Variants in IRAG1 observed in about 807,000 individuals in gnomAD.
IRAG1 encodes the protein inositol 1,4,5-triphosphate receptor associated 1, also known as IP3R-associated cGMP kinase substrate.
Under a neutral mutation model 106.2 loss-of-function variants are expected in IRAG1, and 62 were observed. That is an observed-to-expected ratio of 0.58 (90% CI 0.48 to 0.72). The LOEUF (loss-of-function observed/expected upper bound fraction) is 0.72. Ranked by LOEUF, IRAG1 falls within the 30% of genes least tolerant of loss-of-function variation. The probability of loss-of-function intolerance (pLI) is 0.00; values close to 1 mark genes in which losing one functional copy is unlikely to be tolerated. For synonymous variants in IRAG1, 462 were observed against 443.9 expected (o/e 1.04, Z -0.51); for missense variants, 1,064 against 1,140.7 (o/e 0.93, Z 0.97).
chr11:10,628,131 GC>G lies in IRAG1; in HGVS notation c.653-107del. On this transcript the variant is annotated intron_variant, in intron 6 of 20. Coordinates refer to ENST00000423302, the MANE Select transcript of IRAG1 (RefSeq NM_130385.4). The surrounding 1 kb of genome is among the most constrained non-coding windows in gnomAD (Gnocchi z 4.1). ...GGCTATCCTCCCTTTGCAATCTCAG[GC>G]CTGGAAGATTTGCTGACTACCTCCC... 5 of 1,283,666 alleles carry G rather than the reference GC, an allele frequency of 3.9e-6. No individual in the cohort carries two copies. The highest frequency in any genetic ancestry group is 5.6e-6 in the Non-Finnish European group (5 of 899,846). The allele number at this position is 1,283,666 out of a possible 1,614,324, so 79.5% of individuals were successfully genotyped here. A position where few individuals can be genotyped will look rare whatever the true frequency, so the allele number is the denominator to read the frequency against.
In IRAG1 at chr11:10,628,041, C is replaced by T. The variant is rs753708183; in HGVS notation, c.653-16G>A. The T allele has an allele frequency of 6.8e-6, 11 of 1,613,584 alleles. No homozygotes were observed. Among genetic ancestry groups the T allele is most frequent in the Non-Finnish European group, 8.5e-6 (10 of 1,179,744 alleles). On this transcript the variant is annotated splice_polypyrimidine_tract_variant and intron_variant, in intron 6 of 20. Coordinates refer to ENST00000423302, the MANE Select transcript of IRAG1 (RefSeq NM_130385.4). The surrounding 1 kb of genome is among the most constrained non-coding windows in gnomAD (Gnocchi z 4.1). ...ACATCCAAACCTGGAAGGGTCCAGACACTAGTGAGTGAGGCCCAGCAGCCC... is the reference window on the plus strand; with the variant it reads ...ACATCCAAACCTGGAAGGGTCCAGATACTAGTGAGTGAGGCCCAGCAGCCC...
intron 15 of IRAG1, among the ~76,000 whole-genome samples, chr11:10,597,606 C>T (rs377675874): frequency 1.3e-5 from 2 of 152,202 alleles, no homozygotes; most frequent in Admixed American, 6.5e-5. Flanking sequence ...ATCCTTTCAC[C>T]TTGGCCTCCC....
rs1478400860 is a variant in IRAG1, at chr11:10,632,014, G to C, written c.377C>G (p.Ser126Cys). ...KRLSHRHLKV[S>C]TASLTSVDPA... ...ACCCACAGATGTCAGGGAGGCAGTG[G>C]ACACCTTCAAGTGTCGGTGAGAAAG... The change falls in exon 4 of 21, where the codon TCC becomes TGC. Residue 126 changes from serine (S) to cysteine (C), a missense_variant. Transcript: ENST00000423302. 1.9e-6 allele frequency: 3 copies of C among 1,613,760 alleles called. No homozygotes were observed. Among genetic ancestry groups the C allele is most frequent in the Non-Finnish European group, 2.5e-6 (3 of 1,179,794 alleles).
chr11:10,630,791 T>C (rs566084778), intron 4 of IRAG1, among the ~76,000 whole-genome samples: 2 of 152,340 alleles, frequency 1.3e-5, no homozygotes, highest in East Asian at 1.9e-4. Context: ...TCGGGTTCCA[T>C]TCGTCTTTGG....
At chr11:10,589,568 T>C (rs1346815653) in intron 18 of IRAG1, among the ~76,000 whole-genome samples, 2 of 152,178 alleles carry the variant, frequency 1.3e-5, no homozygotes, top group Admixed American at 6.5e-5. Flanking sequence ...TGCCTGGCCA[T>C]GTTTCCAGTT....
chr11:10,686,907 G>T (rs1481455116), intron 1 of IRAG1, among the ~76,000 whole-genome samples: 1 of 152,216 alleles, frequency 6.6e-6, no homozygotes, highest in East Asian at 1.9e-4. Flanking sequence ...TCATCTATCT[G>T]TAAGAAGTAA....
intron 1 of IRAG1, among the ~76,000 whole-genome samples, chr11:10,660,226 C>T (rs1281895668): frequency 6.6e-6 from 1 of 152,174 alleles, no homozygotes; most frequent in East Asian, 1.9e-4. Context: ...GGTGGTTAAA[C>T]ACAGACATTA....
chr11:10,664,462 C>T (rs989405366), intron 1 of IRAG1, among the ~76,000 whole-genome samples: 3 of 152,162 alleles, frequency 2.0e-5, no homozygotes, highest in African/African-American at 7.2e-5. Context: ...GAGTGAAGAG[C>T]AGACTGCCAT....
At position 10,582,688 on chromosome 11, in the gene IRAG1, G is replaced by T. The variant is rs980367078; in HGVS notation, c.2241-702C>A. On this transcript the variant is annotated intron_variant, in intron 18 of 20. Transcript: ENST00000423302. Reference sequence around the variant, plus strand: ...GCAGAGGAGAGGGTTGGGTGTGGTGGCTCATGCTTGTAATCCCAGCACTTT... The same window carrying T: ...GCAGAGGAGAGGGTTGGGTGTGGTGTCTCATGCTTGTAATCCCAGCACTTT... Among the ~76,000 whole-genome samples, 4 of 152,156 alleles carry T rather than the reference G, an allele frequency of 2.6e-5. No homozygotes were observed. In the East Asian group the frequency reaches 7.7e-4, roughly 29 times the overall value.
At chr11:10,632,909 C>A (rs1856811739) in intron 3 of IRAG1, among the ~76,000 whole-genome samples, 1 of 152,210 alleles carries the variant, frequency 6.6e-6, no homozygotes, top group Non-Finnish European at 1.5e-5. Context: ...TTTATTCCAG[C>A]ACTTTCCTCC....
At chr11:10,661,744 C>T (rs1291951285) in intron 1 of IRAG1, among the ~76,000 whole-genome samples, 1 of 152,164 alleles carries the variant, frequency 6.6e-6, no homozygotes, top group African/African-American at 2.4e-5. Context: ...ACATTGAACC[C>T]GCTCAGTTAA....
At chr11:10,662,558 C>G (rs1859480657) in intron 1 of IRAG1, among the ~76,000 whole-genome samples, 1 of 152,208 alleles carries the variant, frequency 6.6e-6, no homozygotes, top group Non-Finnish European at 1.5e-5. Flanking sequence ...TTAACCTAAG[C>G]CTAACAGAAG....
At chr11:10,667,314 C>T (rs1200013456) in intron 1 of IRAG1, among the ~76,000 whole-genome samples, 1 of 152,100 alleles carries the variant, frequency 6.6e-6, no homozygotes, top group African/African-American at 2.4e-5. Flanking sequence ...AAGCAAAGGC[C>T]TTCTAGGGCC....
chr11:10,691,698 C>T (rs190255439), intron 1 of IRAG1, among the ~76,000 whole-genome samples: 2 of 109,098 alleles, frequency 1.8e-5, no homozygotes, highest in Admixed American at 2.2e-4. Flanking sequence ...ATACATCCCC[C>T]ATGGCATTCT....
At chr11:10,622,281 A>G (rs1487464990) in intron 10 of IRAG1, among the ~76,000 whole-genome samples, 1 of 152,156 alleles carries the variant, frequency 6.6e-6, no homozygotes, top group Non-Finnish European at 1.5e-5. Context: ...GAGATAGCCC[A>G]GCAGGAGGGA....
At chr11:10,667,229 C>T (rs1181775833) in intron 1 of IRAG1, among the ~76,000 whole-genome samples, 2 of 152,038 alleles carry the variant, frequency 1.3e-5, no homozygotes, top group African/African-American at 4.8e-5. Flanking sequence ...TTCTCGTGGC[C>T]TTTCATCTCT....
chr11:10,675,421 G>T (rs1168900360), intron 1 of IRAG1, among the ~76,000 whole-genome samples: 1 of 152,188 alleles, frequency 6.6e-6, no homozygotes, highest in Non-Finnish European at 1.5e-5. Flanking sequence ...CCAGGTCCAA[G>T]AACTTTAACC....
At position 10,652,091 on chromosome 11, in the gene IRAG1, C is replaced by T. The variant is rs753724209; in HGVS notation, c.159G>A (p.Met53Ile). 5.0e-6 allele frequency: 8 copies of T among 1,606,376 alleles called. No individual in the cohort carries two copies. The South Asian group carries it at 8.9e-5, about 18-fold the overall frequency. Residue 53 changes from methionine (M) to isoleucine (I), a missense_variant, in exon 2 of 21, where the codon ATG (methionine) becomes ATA (isoleucine). Met to Ile is a conservative substitution (Grantham distance 10, BLOSUM62 1). Coordinates refer to ENST00000423302, the MANE Select transcript of IRAG1 (RefSeq NM_130385.4). The stretch of plus-strand genomic sequence containing the variant: ...GCTCCTCGTCCTCGGGAATGTGGGG[C>T]ATGGCAGCCTCCTGCTGGGAGTGGC... ...TRGHSQQEAA[M>I]PHIPEDEEPP...
intron 12 of IRAG1, among the ~76,000 whole-genome samples, chr11:10,606,282 T>C (rs1402941324): frequency 6.6e-6 from 1 of 152,206 alleles, no homozygotes; most frequent in African/African-American, 2.4e-5. Flanking sequence ...GAAGGCTGGA[T>C]TGCTGACAGC....
Sources: gnomAD v4.1 joint callset for allele counts (sites outside exome capture counted in the v4.1 genomes callset) on GRCh38, gnomAD v4.1.1 for gene constraint, Gnocchi (gnomAD v3.1) non-coding constraint, MANE v1.5 for transcripts, NCBI Gene and HGNC (gene_info 2026-07-23, HGNC 2026-07-21) for gene names.